STX11: variants seen among roughly 807,000 people sequenced by gnomAD.
The protein encoded by STX11 is syntaxin 11.
A neutral mutation model predicts 19.9 loss-of-function variants in STX11; 21 were observed. The ratio of observed to expected loss-of-function variants is 1.06; its 90% CI spans 0.75 to 1.52. STX11 has a LOEUF of 1.52. STX11 is among the 40% of genes most tolerant of loss of function. The pLI, the probability that STX11 is intolerant of heterozygous loss-of-function variation, is 0.00. For synonymous variants in STX11, 193 were observed against 174.4 expected, an observed-to-expected ratio of 1.11 and a Z score of -0.84; for missense variants, 438 against 405.9, an observed-to-expected ratio of 1.08 and a Z score of -0.68.
At chr6:144,144,269 TCA>T in the STX11 span, among the ~76,000 whole-genome samples, 148 of 152,314 alleles carry the variant, frequency 9.7e-4, 2 homozygotes, top group South Asian at 0.029. Flanking sequence ...AAGTCTGCAA[TCA>T]CAGAGCTAAT....
intron 1 of STX11, among the ~76,000 whole-genome samples, chr6:144,157,007 C>T (rs55707714): frequency 0.033 from 5,048 of 152,208 alleles, 294 homozygotes; most frequent in African/African-American, 0.11. Flanking sequence ...CAAGATTGCC[C>T]AAGAAGTTAA....
chr6:144,191,048 A>G lies in STX11; in HGVS notation c.*3557A>G, dbSNP rs1342892423. 3.3e-5 allele frequency among the ~76,000 whole-genome samples: 5 copies of G among 152,068 alleles called. No homozygotes were observed. Among genetic ancestry groups the G allele is most frequent in the Non-Finnish European group, 7.4e-5 (5 of 68,010 alleles). On this transcript the variant is annotated 3_prime_UTR_variant, in exon 2 of 2. Coordinates refer to ENST00000367568, the MANE Select transcript of STX11 (RefSeq NM_003764.4). ...CTTGTGGCAATTCTGCAAATTTTAT[A>G]CACTCATATCTTTTAGGGTACAAAA...
At chr6:144,150,130 C>G (rs749633125), upstream of STX11, among the ~76,000 whole-genome samples, 55 of 152,216 alleles carry the variant, frequency 3.6e-4, 2 homozygotes, top group South Asian at 8.3e-4. Flanking sequence ...CGCAGCCACA[C>G]CCACGCTCAG....
chr6:144,190,791 T>C lies in STX11; in HGVS notation c.*3300T>C, dbSNP rs1379843453. ...TCCTGGAAGGAGTTGTAGGAAGTTG[T>C]AGAGGCTGGGTCACTGACCTAAGAG... On this transcript the variant is annotated 3_prime_UTR_variant, in exon 2 of 2. Transcript: ENST00000367568. Among the ~76,000 whole-genome samples, 1 of 152,142 alleles carries C rather than the reference T, an allele frequency of 6.6e-6. No individual in the cohort carries two copies. The highest frequency in any genetic ancestry group is 2.4e-5 in the African/African-American group (1 of 41,436).
At chr6:144,146,835 G>A (rs1800882612), upstream of STX11, among the ~76,000 whole-genome samples, 1 of 152,102 alleles carries the variant, frequency 6.6e-6, no homozygotes, top group South Asian at 2.1e-4. The surrounding 1 kb of genome is among the most constrained non-coding windows in gnomAD (Gnocchi z 4.4). Flanking sequence ...GGGTTTACAG[G>A]CTACCACACA....
chr6:144,151,404 A>G lies in STX11; in HGVS notation c.-6+701A>G. On this transcript the variant is annotated intron_variant, in intron 1 of 1. Transcript: ENST00000367568. This position sits in a 1 kb window ranked among gnomAD's most constrained non-coding sequence, Gnocchi z 4.6. The stretch of plus-strand genomic sequence containing the variant: ...AGCAGAGGGAGGAGCTGTTATTTAC[A>G]GGTATCCAAAAATGAGTCACAGGGC... 1 of 985,462 alleles carries G rather than the reference A, an allele frequency of 1.0e-6. No individual in the cohort carries two copies. The highest frequency in any genetic ancestry group is 4.7e-5 in the South Asian group (1 of 21,292). 61.0% of individuals were successfully genotyped at this position (985,462 alleles called of 1,614,324 possible).
upstream of STX11, among the ~76,000 whole-genome samples, chr6:144,145,839 A>G (rs1800863450): frequency 6.6e-6 from 1 of 152,116 alleles, no homozygotes; most frequent in Non-Finnish European, 1.5e-5. Context: ...AATGGGTGCA[A>G]AGTTTTAGTT....
the STX11 span, among the ~76,000 whole-genome samples, chr6:144,144,881 T>C: frequency 4.6e-5 from 7 of 152,128 alleles, no homozygotes; most frequent in African/African-American, 1.7e-4. Flanking sequence ...AAATCAAAGA[T>C]AGTCTAAGGG....
rs1170559285 is a variant in STX11 at position 144,189,717 on chromosome 6, T to C, written c.*2226T>C. On this transcript the variant is annotated 3_prime_UTR_variant, in exon 2 of 2. Transcript: ENST00000367568. The stretch of plus-strand genomic sequence containing the variant: ...TGACCAGGAAAATCTATCCCCTGTA[T>C]CTAATTTTAATTTCATGGTTAAATT... 6.6e-6 allele frequency among the ~76,000 whole-genome samples: 1 copy of C among 152,214 alleles called. No homozygotes were observed. Among genetic ancestry groups the C allele is most frequent in the African/African-American group, 2.4e-5 (1 of 41,442 alleles).
the STX11 span, among the ~76,000 whole-genome samples, chr6:144,144,535 A>C: frequency 6.6e-6 from 1 of 152,226 alleles, no homozygotes; most frequent in Non-Finnish European, 1.5e-5. Context: ...TCCAATATAG[A>C]AGCCAAATAT....
chr6:144,158,991 T>C (rs564548166), intron 1 of STX11, among the ~76,000 whole-genome samples: 11 of 152,212 alleles, frequency 7.2e-5, no homozygotes, highest in Non-Finnish European at 1.3e-4. Context: ...TTCCCTGCCC[T>C]GTGGCCAGAC....
chr6:144,140,418 C>T, the STX11 span, among the ~76,000 whole-genome samples: 2 of 151,458 alleles, frequency 1.3e-5, no homozygotes, highest in Non-Finnish European at 2.9e-5. Flanking sequence ...CCACGCCTGG[C>T]TAATTTTTGT....
rs1337544977 is a variant in STX11, at chr6:144,190,393, G to A, written c.*2902G>A. Among the ~76,000 whole-genome samples, 2 of 152,204 alleles carry A rather than the reference G, an allele frequency of 1.3e-5. No homozygotes were observed. Among genetic ancestry groups the A allele is most frequent in the African/African-American group, 4.8e-5 (2 of 41,442 alleles). ...GCACCTAGAACAGTGCCTGGCACAT[G>A]CTAAGTGCTTTGTTCATTATTGTTG... On this transcript the variant is annotated 3_prime_UTR_variant, in exon 2 of 2. Transcript: ENST00000367568.
the STX11 span, among the ~76,000 whole-genome samples, chr6:144,143,771 A>G: frequency 6.6e-6 from 1 of 152,170 alleles, no homozygotes; most frequent in Non-Finnish European, 1.5e-5. Context: ...TCTCTGACAC[A>G]TGCTGATACT....
rs1047174857 is a variant in STX11 at position 144,187,549 on chromosome 6, G to T, written c.*58G>T. On this transcript the variant is annotated 3_prime_UTR_variant, in exon 2 of 2. Coordinates refer to ENST00000367568, the MANE Select transcript of STX11 (RefSeq NM_003764.4). This position sits in a 1 kb window ranked among gnomAD's most constrained non-coding sequence, Gnocchi z 5.6. ...GACCATGGAGCGCGCTGGGAAGGAC[G>T]CACCAAAGCCGGGAGCTCTGCCCTG... 2 of 1,607,336 alleles carry T rather than the reference G, an allele frequency of 1.2e-6. No individual in the cohort carries two copies. Among genetic ancestry groups the T allele is most frequent in the Non-Finnish European group, 1.7e-6 (2 of 1,177,942 alleles).
rs1801293674 is a variant in STX11, at chr6:144,160,031, G to A, written c.-6+9328G>A. ...TTTAAAAAAATATTATGATTTTTGA[G>A]AGACTCTGTCGCCCAGGCTGGAATG... On this transcript the variant is annotated intron_variant, in intron 1 of 1. Transcript: ENST00000367568. This position sits in a 1 kb window ranked among gnomAD's most constrained non-coding sequence, Gnocchi z 4.3. Among the ~76,000 whole-genome samples the A allele has an allele frequency of 6.6e-6, 1 of 152,034 alleles. No individual in the cohort carries two copies. Among genetic ancestry groups the A allele is most frequent in the Non-Finnish European group, 1.5e-5 (1 of 68,020 alleles).
At chr6:144,140,587 T>G in the STX11 span, 92 of 178,956 alleles carry the variant, frequency 5.1e-4, no homozygotes, top group South Asian at 6.4e-3. Flanking sequence ...TGTTTTTTTT[T>G]GGTGCCAGTA....
At position 144,176,148 on chromosome 6, in the gene STX11, G is replaced by A. The variant is rs898399337; in HGVS notation, c.-5-10475G>A. Among the ~76,000 whole-genome samples, 1 of 152,110 alleles carries A rather than the reference G, an allele frequency of 6.6e-6. No homozygotes were observed. The highest frequency in any genetic ancestry group is 2.4e-5 in the African/African-American group (1 of 41,430). On this transcript the variant is annotated intron_variant, in intron 1 of 1. Coordinates refer to ENST00000367568, the MANE Select transcript of STX11 (RefSeq NM_003764.4). This position sits in a 1 kb window ranked among gnomAD's most constrained non-coding sequence, Gnocchi z 4.1. The stretch of plus-strand genomic sequence containing the variant: ...GAGGTGGAGAGGGATGCCAGAGAAG[G>A]GAAGAAACAGAGCAGAGAATATTGC...
Position 144,155,717 on chromosome 6 carries a change from A to T in STX11, c.-6+5014A>T, listed in dbSNP as rs117358557. On this transcript the variant is annotated intron_variant, in intron 1 of 1. Transcript: ENST00000367568. This position sits in a 1 kb window ranked among gnomAD's most constrained non-coding sequence, Gnocchi z 4.5. The stretch of plus-strand genomic sequence containing the variant: ...CACCTCTAAGGCTCCTCCCCGTCCT[A>T]ATAACCATTCTGTGTCTTTTACTAA... Among the ~76,000 whole-genome samples, 1,356 of 152,264 alleles carry T rather than the reference A, an allele frequency of 8.9e-3. 13 individuals carry two copies. Among genetic ancestry groups the T allele is most frequent in the Non-Finnish European group, 0.013 (914 of 68,000 alleles).
Sources: allele counts gnomAD v4.1 joint callset (sites outside exome capture counted in the v4.1 genomes callset), GRCh38; gene constraint gnomAD v4.1.1; non-coding constraint Gnocchi (gnomAD v3.1); transcripts MANE v1.5; gene names NCBI Gene and HGNC (gene_info 2026-07-23, HGNC 2026-07-21).